The following PCDHA11 variants were observed in gnomAD, a reference collection of about 807,000 sequenced individuals.
PCDHA11 encodes the protein protocadherin alpha-11.
In PCDHA11, 61 loss-of-function variants were observed where a neutral mutation model predicts 70.3. That is an observed-to-expected ratio of 0.87 (90% CI 0.71 to 1.07). PCDHA11 has a LOEUF of 1.07. PCDHA11 is among the 50% of genes least tolerant of loss of function. The pLI, the probability that PCDHA11 is intolerant of heterozygous loss-of-function variation, is 0.00. For synonymous variants in PCDHA11, 633 were observed against 555.1 expected, an observed-to-expected ratio of 1.14 and a Z score of -1.97; for missense variants, 1,324 against 1,237.5, an observed-to-expected ratio of 1.07 and a Z score of -1.05.
intron 1 of PCDHA11, chr5:140,967,124 A>G (rs782387198): frequency 1.2e-6 from 2 of 1,612,200 alleles, no homozygotes; most frequent in South Asian, 2.2e-5. Context: ...CTGCCTGCTC[A>G]GCTTGGAAGT....
At chr5:140,951,682 C>T (rs1327606119) in intron 1 of PCDHA11, among the ~76,000 whole-genome samples, 1 of 152,146 alleles carries the variant, frequency 6.6e-6, no homozygotes, top group East Asian at 1.9e-4. Flanking sequence ...TTGGGGATTA[C>T]AATGTGACAT....
intron 1 of PCDHA11, among the ~76,000 whole-genome samples, chr5:140,972,279 A>G (rs568636203): frequency 3.3e-5 from 5 of 150,992 alleles, no homozygotes; most frequent in South Asian, 4.2e-4. Context: ...AGCTTGGACC[A>G]TAGATGTGCG....
At chr5:140,989,373 C>A (rs1189877807) in intron 3 of PCDHA11, among the ~76,000 whole-genome samples, 1 of 152,088 alleles carries the variant, frequency 6.6e-6, no homozygotes, top group Non-Finnish European at 1.5e-5. Context: ...TGACTGAGAG[C>A]TTTGTGGGAA....
intron 1 of PCDHA11, among the ~76,000 whole-genome samples, chr5:140,975,004 T>C (rs1464460351): frequency 2.6e-5 from 4 of 152,170 alleles, no homozygotes; most frequent in African/African-American, 9.7e-5. Flanking sequence ...AAGGCTGAAA[T>C]GAACACAGCT....
intron 1 of PCDHA11, among the ~76,000 whole-genome samples, chr5:140,905,764 A>G (rs2072069491): frequency 6.6e-6 from 1 of 152,144 alleles, no homozygotes; most frequent in African/African-American, 2.4e-5. Flanking sequence ...TTGGTTAAGT[A>G]TATTCCGAAG....
Position 140,979,011 on chromosome 5 carries a change from T to C in PCDHA11, c.2450+4T>C. On this transcript the variant is annotated splice_donor_region_variant and intron_variant, in intron 2 of 3. Coordinates refer to ENST00000398640, the MANE Select transcript of PCDHA11 (RefSeq NM_018902.5). ...CCCTGAGAGCAGGCATGCACAGGTA[T>C]GTATTTCCCTCCTCATTCACTCAGA... The C allele has an allele frequency of 6.2e-7, 1 of 1,613,950 alleles. No homozygotes were observed. The highest frequency in any genetic ancestry group is 8.5e-7 in the Non-Finnish European group (1 of 1,179,938).
At chr5:140,997,702 T>C (rs548432387) in intron 3 of PCDHA11, among the ~76,000 whole-genome samples, 1 of 150,740 alleles carries the variant, frequency 6.6e-6, no homozygotes, top group Non-Finnish European at 1.5e-5. Context: ...GTGTGTATGT[T>C]AACAAACACC....
At chr5:140,901,137 A>T (rs2068464747) in intron 1 of PCDHA11, among the ~76,000 whole-genome samples, 1 of 151,974 alleles carries the variant, frequency 6.6e-6, no homozygotes, top group South Asian at 2.1e-4. Flanking sequence ...TAGATTGTAA[A>T]TATTTTCTCT....
chr5:140,948,902 T>C (rs943078074), intron 1 of PCDHA11, among the ~76,000 whole-genome samples: 1 of 151,528 alleles, frequency 6.6e-6, no homozygotes, highest in Non-Finnish European at 1.5e-5. Flanking sequence ...TTAAGTGGAT[T>C]CTTAGGTAAC....
chr5:140,895,995 G>A (rs2065293379), intron 1 of PCDHA11, among the ~76,000 whole-genome samples: 1 of 152,058 alleles, frequency 6.6e-6, no homozygotes, highest in Non-Finnish European at 1.5e-5. Flanking sequence ...ATTTTAAGTA[G>A]AGACAGGGTT....
Position 140,882,483 on chromosome 5 carries a change from G to C in PCDHA11, c.2391+10989G>C. ...TTCCGGGTGGCGTCCAAAAGACACG[G>C]GGACCTTCTGGAGGTAAATCTGCAG... On this transcript the variant is annotated intron_variant, in intron 1 of 3. Coordinates refer to ENST00000398640, the MANE Select transcript of PCDHA11 (RefSeq NM_018902.5). 2 of 1,614,080 alleles carry C rather than the reference G, an allele frequency of 1.2e-6. No individual in the cohort carries two copies. Among genetic ancestry groups the C allele is most frequent in the Non-Finnish European group, 1.7e-6 (2 of 1,180,052 alleles).
intron 1 of PCDHA11, among the ~76,000 whole-genome samples, chr5:140,955,373 T>C (rs2338310): frequency 0.011 from 1,717 of 152,252 alleles, 30 homozygotes; most frequent in African/African-American, 0.038. Context: ...TGGGAGGTAA[T>C]TGAATCATGG....
chr5:140,968,083 G>A (rs1298667830), intron 1 of PCDHA11: 1 of 1,614,006 alleles, frequency 6.2e-7, no homozygotes, highest in Non-Finnish European at 8.5e-7. Flanking sequence ...ACATCACGGT[G>A]ACAGCCACAG....
intron 3 of PCDHA11, among the ~76,000 whole-genome samples, chr5:140,999,630 A>G (rs2097866462): frequency 1.3e-5 from 2 of 152,210 alleles, no homozygotes; most frequent in Non-Finnish European, 2.9e-5. Context: ...GAAACAAGGT[A>G]GAGAAAACTG....
chr5:140,968,637 T>C, intron 1 of PCDHA11: 1 of 1,614,208 alleles, frequency 6.2e-7, no homozygotes. Flanking sequence ...TTTTACCATC[T>C]AGCCCAGACT....
At chr5:140,946,044 A>G (rs1435633416) in intron 1 of PCDHA11, among the ~76,000 whole-genome samples, 1 of 152,160 alleles carries the variant, frequency 6.6e-6, no homozygotes, top group East Asian at 1.9e-4. Flanking sequence ...TGAAGGGACA[A>G]TCCACAGAAT....
chr5:140,930,196 T>C (rs1554207641), intron 1 of PCDHA11: 1 of 152,226 alleles, frequency 6.6e-6, no homozygotes, highest in South Asian at 2.1e-4. Flanking sequence ...AATTTTTATG[T>C]CAGAAATATT....
intron 1 of PCDHA11, chr5:140,926,825 G>GT (rs1175916332): frequency 1.3e-6 from 2 of 1,499,578 alleles, no homozygotes; most frequent in Non-Finnish European, 1.8e-6. Flanking sequence ...CTCTCCAGGA[G>GT]TCCGGAGCAT....
At chr5:140,979,908 TAA>T (rs782196172) in intron 2 of PCDHA11, among the ~76,000 whole-genome samples, 3 of 152,250 alleles carry the variant, frequency 2.0e-5, no homozygotes, top group Non-Finnish European at 4.4e-5. Context: ...GATCAGTTCG[TAA>T]AGAGAAAGCC....
Sources: gnomAD v4.1 joint callset for allele counts (sites outside exome capture counted in the v4.1 genomes callset) on GRCh38, gnomAD v4.1.1 for gene constraint, MANE v1.5 for transcripts, NCBI Gene and HGNC (gene_info 2026-07-23, HGNC 2026-07-21) for gene names.